LGALS12: variants seen among roughly 807,000 people sequenced by gnomAD.
LGALS12 encodes the protein galectin 12.
A neutral mutation model predicts 36.8 loss-of-function variants in LGALS12; 36 were observed. The ratio of observed to expected loss-of-function variants is 0.98; its 90% CI spans 0.75 to 1.29. The LOEUF is 1.29. LGALS12 is among the 50% of genes most tolerant of loss of function. The pLI is 0.00. For synonymous variants in LGALS12, 145 were observed against 155.9 expected, an observed-to-expected ratio of 0.93 and a Z score of 0.52; for missense variants, 366 against 394.3, an observed-to-expected ratio of 0.93 and a Z score of 0.61.
At chr11:63,512,924 G>A (rs2016971796) in intron 7 of LGALS12, among the ~76,000 whole-genome samples, 1 of 152,048 alleles carries the variant, frequency 6.6e-6, no homozygotes, top group African/African-American at 2.4e-5. Context: ...GGTAGGGGAG[G>A]GCAGAGTAAG....
Position 63,516,366 on chromosome 11 carries a change from T to C in LGALS12, c.918T>C (p.Ser306=). ...EQLRELRISG[S]VQLYCVHS ...TGCGGGAGCTCCGGATCAGTGGAAG[T>C]GTCCAGCTCTACTGTGTCCACTCCT... The change falls in exon 9 of 9, where the codon AGT becomes AGC. Residue 306 remains serine, a synonymous_variant. Transcript: ENST00000394618. The C allele has an allele frequency of 6.2e-7, 1 of 1,613,942 alleles. No homozygotes were observed. The highest frequency in any genetic ancestry group is 8.5e-7 in the Non-Finnish European group (1 of 1,179,992).
intron 7 of LGALS12, among the ~76,000 whole-genome samples, chr11:63,513,284 T>C (rs958454433): frequency 5.9e-5 from 9 of 152,208 alleles, no homozygotes; most frequent in Admixed American, 2.0e-4. Context: ...GGGTTCATAT[T>C]GTAGCTCAAA....
Position 63,510,496 on chromosome 11 carries a change from G to A in LGALS12, c.526G>A (p.Gly176Arg). ...FVEGSREYPA[G>R]HPFLLMSPRL... The stretch of plus-strand genomic sequence containing the variant: ...GGAGGGCAGCAGAGAGTACCCAGCT[G>A]GACATGTGAGTTTCTTGGCAGCAAG... Residue 176 changes from glycine (G) to arginine (R), a missense_variant, in exon 5 of 9, where the codon GGA becomes AGA. Coordinates refer to ENST00000394618, the MANE Select transcript of LGALS12 (RefSeq NM_033101.4). The A allele has an allele frequency of 6.2e-7, 1 of 1,614,118 alleles. No homozygotes were observed. Among genetic ancestry groups the A allele is most frequent in the Non-Finnish European group, 8.5e-7 (1 of 1,180,004 alleles).
chr11:63,510,339 C>A, intron 4 of LGALS12, 124 bp from the exon 5 acceptor site: 1 of 924,164 alleles, frequency 1.1e-6, no homozygotes, highest in Non-Finnish European at 1.8e-6. Context: ...AAGAAGCTAC[C>A]ACTGACCAGC....
At chr11:63,511,196 C>T in intron 6 of LGALS12, 91 bp downstream of exon 6, 1 of 1,232,040 alleles carries the variant, frequency 8.1e-7, no homozygotes. Flanking sequence ...ATGCCCCCAG[C>T]CTCAGGATTT....
chr11:63,513,281 T>C (rs2016981695), intron 7 of LGALS12, among the ~76,000 whole-genome samples: 2 of 152,302 alleles, frequency 1.3e-5, no homozygotes, highest in South Asian at 4.1e-4. Context: ...ACCGGGTTCA[T>C]ATTGTAGCTC....
At chr11:63,508,100 G>T in intron 1 of LGALS12, 1 of 1,022,240 alleles carries the variant, frequency 9.8e-7, no homozygotes. Flanking sequence ...GCCTCTCCAG[G>T]GGTCCATTTC....
At position 63,511,758 on chromosome 11, in the gene LGALS12, C is replaced by T; in HGVS notation, c.565C>T (p.Pro189Ser). 6.2e-7 allele frequency: 1 copy of T among 1,612,460 alleles called. No homozygotes were observed. The highest frequency in any genetic ancestry group is 1.1e-5 in the South Asian group (1 of 91,044). The change falls in exon 7 of 9, where the codon CCC becomes TCC. Residue 189 changes from proline to serine, a missense_variant. Pro to Ser is a moderately conservative substitution (Grantham distance 74, BLOSUM62 -1). Transcript: ENST00000394618. ...ACCTCCCTTGTTCCTTCAGGAGGTG[C>T]CCTGCTCACATGCTCTTCCCCAGGG... ...FLLMSPRLEV[P>S]CSHALPQGLS... is the part of the protein sequence containing the mutation.
chr11:63,507,616 G>A (rs558730620), intron 1 of LGALS12, among the ~76,000 whole-genome samples: 41 of 119,684 alleles, frequency 3.4e-4, no homozygotes, highest in African/African-American at 1.3e-3. Context: ...AGGAACCCAA[G>A]TGGATGATGC....
chr11:63,511,879 C>T (rs764137648), intron 7 of LGALS12, 39 bp downstream of exon 7: 5 of 1,267,350 alleles, frequency 3.9e-6, no homozygotes, highest in South Asian at 1.2e-5. Context: ...AGGGAGCAGC[C>T]TCTCTGTGAC....
At chr11:63,509,278 T>G (rs942214626) in intron 3 of LGALS12, among the ~76,000 whole-genome samples, 2 of 152,248 alleles carry the variant, frequency 1.3e-5, no homozygotes, top group Admixed American at 6.5e-5. Flanking sequence ...TAAAAGTATC[T>G]GCTCATTGAA....
chr11:63,508,054 T>C, intron 1 of LGALS12: 1 of 999,632 alleles, frequency 1.0e-6, no homozygotes, highest in African/African-American at 1.7e-5. Flanking sequence ...AACTTCTACA[T>C]GGGGAAAGGT....
In LGALS12 at chr11:63,516,500, C is replaced by G; in HGVS notation, c.*107C>G. On this transcript the variant is annotated 3_prime_UTR_variant, in exon 9 of 9. Transcript: ENST00000394618. Reference sequence around the variant, plus strand: ...ATCCACCTGACACCAGCACATCAGGCCTGGTTCACCTCTGGGGTCACGAGA... The same window carrying G: ...ATCCACCTGACACCAGCACATCAGGGCTGGTTCACCTCTGGGGTCACGAGA... 1.5e-6 allele frequency: 2 copies of G among 1,300,664 alleles called. No homozygotes were observed. The highest frequency in any genetic ancestry group is 3.7e-4 in the Middle Eastern group (2 of 5,474). The allele number at this position is 1,300,664 out of a possible 1,614,324, so 80.6% of individuals were successfully genotyped here.
chr11:63,508,968 C>T lies in LGALS12; in HGVS notation c.349C>T (p.Leu117Phe). ...AGGCTCCAGCTTCCTCATCCTCTTTCTCTTCGGGAATGAGGAAGTGAAGGT... is the reference window on the plus strand; with the variant it reads ...AGGCTCCAGCTTCCTCATCCTCTTTTTCTTCGGGAATGAGGAAGTGAAGGT... ...RRGSSFLILF[L>F]FGNEEVKVSV... The change falls in exon 3 of 9, where the codon CTC becomes TTC. Residue 117 changes from leucine to phenylalanine, a missense_variant. Physicochemically the swap from Leu to Phe is conservative, Grantham distance 22 (BLOSUM62 0). Transcript: ENST00000394618. 1 of 1,614,086 alleles carries T rather than the reference C, an allele frequency of 6.2e-7. No homozygotes were observed. The highest frequency in any genetic ancestry group is 8.5e-7 in the Non-Finnish European group (1 of 1,179,894).
Position 63,506,439 on chromosome 11 carries a change from G to T in LGALS12, c.-20G>T, listed in dbSNP as rs867327797. 3 of 1,614,232 alleles carry T rather than the reference G, an allele frequency of 1.9e-6. No individual in the cohort carries two copies. The African/African-American group carries it at 4.0e-5, about 22-fold the overall frequency. On this transcript the variant is annotated 5_prime_UTR_variant, in exon 1 of 9. Transcript: ENST00000394618. ...AGGGCTCCTGGAACGAGGATCTACAGTTGGAGTTGCCCCACTGTCATGTCA... is the reference window on the plus strand; with the variant it reads ...AGGGCTCCTGGAACGAGGATCTACATTTGGAGTTGCCCCACTGTCATGTCA...
At position 63,516,650 on chromosome 11, in the gene LGALS12, C is replaced by T; in HGVS notation, c.*257C>T. The T allele has an allele frequency of 1.9e-6, 1 of 527,184 alleles. No homozygotes were observed. The highest frequency in any genetic ancestry group is 3.5e-5 in the Admixed American group (1 of 28,888). The allele number at this position is 527,184 out of a possible 1,614,324, so 32.7% of individuals were successfully genotyped here. ...ATCTGCCTTCAGGGCCTGGACTGCA[C>T]TCACAGAGGCAAGTGTTGTAGACTA... On this transcript the variant is annotated 3_prime_UTR_variant, in exon 9 of 9. Transcript: ENST00000394618.
Position 63,506,310 on chromosome 11 carries a change from A to G in LGALS12, c.-149A>G, listed in dbSNP as rs1222591609. On this transcript the variant is annotated 5_prime_UTR_variant, in exon 1 of 9. Transcript: ENST00000394618. Reference sequence around the variant, plus strand: ...CGCTGCCCTCCTAGGGCTGCTCCAGACAGCATTAAAACGCTGCAGGTCGCA... The same window carrying G: ...CGCTGCCCTCCTAGGGCTGCTCCAGGCAGCATTAAAACGCTGCAGGTCGCA... The G allele has an allele frequency of 2.6e-6, 4 of 1,552,496 alleles. No homozygotes were observed. Among genetic ancestry groups the G allele is most frequent in the Non-Finnish European group, 1.8e-6 (2 of 1,136,692 alleles).
intron 7 of LGALS12, among the ~76,000 whole-genome samples, chr11:63,512,066 T>C (rs1345374462): frequency 6.6e-6 from 1 of 152,210 alleles, no homozygotes; most frequent in Non-Finnish European, 1.5e-5. Flanking sequence ...TCATTCCTGC[T>C]GGTACATCTA....
intron 7 of LGALS12, among the ~76,000 whole-genome samples, chr11:63,512,068 G>A (rs548018222): frequency 6.6e-6 from 1 of 152,342 alleles, no homozygotes; most frequent in South Asian, 2.1e-4. Context: ...ATTCCTGCTG[G>A]TACATCTAGT....
Sources: allele counts gnomAD v4.1 joint callset (sites outside exome capture counted in the v4.1 genomes callset), GRCh38; gene constraint gnomAD v4.1.1; transcripts MANE v1.5; gene names NCBI Gene and HGNC (gene_info 2026-07-23, HGNC 2026-07-21).